Variants in ANXA3 observed in about 807,000 individuals in gnomAD.
The protein encoded by ANXA3 is 35-alpha calcimedin.
Under a neutral mutation model 48.8 loss-of-function variants are expected in ANXA3, and 46 were observed. That is an observed-to-expected ratio of 0.94 (90% CI 0.74 to 1.21). The LOEUF (loss-of-function observed/expected upper bound fraction) is 1.21. Among genes scored for constraint, ANXA3 ranks in the 50% most tolerant of loss-of-function variants. The pLI is 0.00. For synonymous variants in ANXA3, 128 were observed against 134.7 expected (o/e 0.95, Z 0.35); for missense variants, 383 against 378.6 (o/e 1.01, Z -0.10).
At chr4:78,596,510 A>G (rs912085643) in intron 9 of ANXA3, among the ~76,000 whole-genome samples, 1 of 152,262 alleles carries the variant, frequency 6.6e-6, no homozygotes, top group Non-Finnish European at 1.5e-5. Context: ...GCTAGTTTAC[A>G]GAACAACCAC....
chr4:78,564,801 G>C (rs947488029), intron 2 of ANXA3, among the ~76,000 whole-genome samples: 1 of 152,132 alleles, frequency 6.6e-6, no homozygotes, highest in Non-Finnish European at 1.5e-5. Context: ...AGGTGGGAAA[G>C]AGTTCATTGT....
intron 9 of ANXA3, chr4:78,596,959 A>T (rs1459459101): frequency 1.0e-5 from 2 of 198,786 alleles, no homozygotes; most frequent in African/African-American, 4.8e-5. Context: ...TTGACTAGTG[A>T]TTATAGTATC....
At chr4:78,595,548 T>G in intron 8 of ANXA3, 111 bp downstream of exon 8, 2 of 1,233,586 alleles carry the variant, frequency 1.6e-6, no homozygotes, top group Non-Finnish European at 2.3e-6. Context: ...TTCTTTTTTT[T>G]TTTTTCCTGT....
At chr4:78,578,029 G>A (rs550565758) in intron 3 of ANXA3, among the ~76,000 whole-genome samples, 7 of 151,794 alleles carry the variant, frequency 4.6e-5, no homozygotes, top group East Asian at 1.9e-4. Context: ...CTGAAATCCC[G>A]GCACTTTGGA....
intron 7 of ANXA3, among the ~76,000 whole-genome samples, chr4:78,593,803 ATTTTTT>A (rs60515646): frequency 1.1e-5 from 1 of 88,744 alleles, no homozygotes; most frequent in Non-Finnish European, 2.3e-5. Flanking sequence ...CATTCAGCTA[ATTTTTT>A]TTTTTTTTTT....
intron 2 of ANXA3, among the ~76,000 whole-genome samples, chr4:78,566,435 T>C (rs966019006): frequency 1.1e-5 from 1 of 89,964 alleles, no homozygotes; most frequent in South Asian, 4.4e-4. Flanking sequence ...AGAAAATGAA[T>C]GTAGAATACT....
intron 9 of ANXA3, 192 bp from the exon 10 acceptor site, chr4:78,597,127 G>A: frequency 4.0e-6 from 2 of 493,998 alleles, no homozygotes; most frequent in Admixed American, 4.1e-5. Flanking sequence ...GGGAGTTTGG[G>A]TTTTGTTGTA....
rs201780794 is a variant in ANXA3, at chr4:78,585,268, T to C, written c.313-992T>C. Among the ~76,000 whole-genome samples, 7 of 152,276 alleles carry C rather than the reference T, an allele frequency of 4.6e-5. No individual in the cohort carries two copies. The East Asian group carries it at 1.4e-3, about 29-fold the overall frequency. ...CAGTTTCTCTTTTACATAAAAGAAA[T>C]CCAGGCTGTGGTGGCACCACCATTA... On this transcript the variant is annotated intron_variant, in intron 5 of 12. Transcript: ENST00000264908.
At chr4:78,593,568 G>A (rs970135047) in intron 7 of ANXA3, among the ~76,000 whole-genome samples, 7 of 150,210 alleles carry the variant, frequency 4.7e-5, no homozygotes, top group Admixed American at 2.0e-4. Context: ...TGGAAAAATT[G>A]AGCAGAAAGT....
chr4:78,602,495 A>G (rs1021460824), intron 11 of ANXA3: 6 of 152,162 alleles, frequency 3.9e-5, no homozygotes, highest in African/African-American at 1.4e-4. Context: ...CTTGAGACCC[A>G]GTAGATCCTG....
chr4:78,578,779 G>C (rs1723013242), intron 3 of ANXA3, among the ~76,000 whole-genome samples: 1 of 151,796 alleles, frequency 6.6e-6, no homozygotes, highest in East Asian at 1.9e-4. Flanking sequence ...GGAGTATTTA[G>C]ACAATGATTG....
rs17003371 is a variant in ANXA3, at chr4:78,586,431, C to T, written c.403+81C>T. 5.5e-3 allele frequency: 5,317 copies of T among 965,864 alleles called. 177 individuals are homozygous for T. The African/African-American group carries it at 0.075, about 14-fold the overall frequency. The allele number at this position is 965,864 out of a possible 1,614,324, so 59.8% of individuals were successfully genotyped here. On this transcript the variant is annotated intron_variant, in intron 6 of 12. Transcript: ENST00000264908. ...GCTTTTCCTAGAATCCTCTCAATCT[C>T]TTCATGAGGCATTTTGAGAAGACAA...
chr4:78,582,211 G>T lies in ANXA3; in HGVS notation c.233G>T (p.Gly78Val), dbSNP rs759431823. ...LKDDLKGDLS[G>V]HFEHLMVALV... Reference sequence around the variant, plus strand: ...GATGACTTGAAGGGTGATCTCTCTGGCCACTTTGAGCATCTCATGGTGGCC... The same window carrying T: ...GATGACTTGAAGGGTGATCTCTCTGTCCACTTTGAGCATCTCATGGTGGCC... Residue 78 changes from glycine (G) to valine (V), a missense_variant, in exon 5 of 13, where the codon GGC becomes GTC. Physicochemically the swap from Gly to Val is moderately radical, Grantham distance 109. Transcript: ENST00000264908. 6.2e-7 allele frequency: 1 copy of T among 1,613,300 alleles called. No homozygotes were observed. The highest frequency in any genetic ancestry group is 2.2e-5 in the East Asian group (1 of 44,850).
At chr4:78,600,098 T>C (rs563629214) in intron 10 of ANXA3, among the ~76,000 whole-genome samples, 1 of 152,188 alleles carries the variant, frequency 6.6e-6, no homozygotes, top group East Asian at 1.9e-4. Context: ...ATGTTCTGCA[T>C]TTTAGGGCTT....
Position 78,573,265 on chromosome 4 carries a change from T to G in ANXA3, c.101T>G (p.Ile34Ser). The G allele has an allele frequency of 6.2e-7, 1 of 1,606,554 alleles. No homozygotes were observed. The highest frequency in any genetic ancestry group is 8.5e-7 in the Non-Finnish European group (1 of 1,173,624). The change falls in exon 3 of 13, where the codon ATT (isoleucine) becomes AGT (serine). Residue 34 changes from isoleucine to serine, a missense_variant and splice_region_variant. Coordinates refer to ENST00000264908, the MANE Select transcript of ANXA3 (RefSeq NM_005139.3). ...AEAIQKAIRG[I>S]GTDEKMLISI... Reference sequence around the variant, plus strand: ...GCTATTCAGAAAGCAATCAGAGGAATTGGTGAGTGATATTTTACAATTCCT... The same window carrying G: ...GCTATTCAGAAAGCAATCAGAGGAAGTGGTGAGTGATATTTTACAATTCCT...
At chr4:78,575,863 A>G (rs1722940594) in intron 3 of ANXA3, among the ~76,000 whole-genome samples, 1 of 151,972 alleles carries the variant, frequency 6.6e-6, no homozygotes, top group Non-Finnish European at 1.5e-5. Flanking sequence ...TTTTCGTATT[A>G]TGATCTTAAA....
At chr4:78,561,878 G>C (rs1440361008) in intron 2 of ANXA3, among the ~76,000 whole-genome samples, 1 of 152,172 alleles carries the variant, frequency 6.6e-6, no homozygotes, top group East Asian at 1.9e-4. Context: ...GTTAGACCTG[G>C]ATTTCAAATC....
Position 78,604,365 on chromosome 4 carries a change from A to T in ANXA3, c.878A>T (p.Lys293Met). 6.2e-7 allele frequency: 1 copy of T among 1,613,324 alleles called. No homozygotes were observed. Among genetic ancestry groups the T allele is most frequent in the Non-Finnish European group, 8.5e-7 (1 of 1,179,542 alleles). The change falls in exon 12 of 13, where the codon AAG becomes ATG. Residue 293 changes from lysine to methionine, a missense_variant. Coordinates refer to ENST00000264908, the MANE Select transcript of ANXA3 (RefSeq NM_005139.3). ...DLLDIRTEFK[K>M]HYGYSLYSAI... ...TTGGACATTCGAACAGAGTTCAAGA[A>T]GCATTATGGCTATTCCCTATATTCA...
chr4:78,573,551 A>G (rs1722887007), intron 3 of ANXA3, among the ~76,000 whole-genome samples: 1 of 152,218 alleles, frequency 6.6e-6, no homozygotes, highest in African/African-American at 2.4e-5. Context: ...GACTCTTGAC[A>G]CCATCTAGAG....
Sources: gnomAD v4.1 joint callset for allele counts (sites outside exome capture counted in the v4.1 genomes callset) on GRCh38, gnomAD v4.1.1 for gene constraint, MANE v1.5 for transcripts, NCBI Gene and HGNC (gene_info 2026-07-23, HGNC 2026-07-21) for gene names.